OR2B2: variants seen among roughly 807,000 people sequenced by gnomAD.
The protein encoded by OR2B2 is olfactory receptor family 2 subfamily B member 2.
For synonymous variants in OR2B2, 137 were observed against 150.9 expected, an observed-to-expected ratio of 0.91 and a Z score of 0.67; for missense variants, 362 against 422.4, an observed-to-expected ratio of 0.86 and a Z score of 1.25.
At position 27,911,412 on chromosome 6, in the gene OR2B2, C is replaced by T. The variant is rs202202321; in HGVS notation, c.908G>A (p.Arg303Lys). ...RNKEVKEAFK[R>K]LVAKSLLNQE... ...ATTAAGAAGACTCTTTGCAACCAAC[C>T]TTTTAAAGGCTTCCTTTACCTCTTT... The change falls in exon 1 of 1, where the codon AGG becomes AAG. Residue 303 changes from arginine (R) to lysine (K), a missense_variant. Coordinates refer to ENST00000303324, the MANE Select transcript of OR2B2 (RefSeq NM_033057.2). The T allele has an allele frequency of 6.4e-5, 104 of 1,613,990 alleles. No individual in the cohort carries two copies. Among genetic ancestry groups the T allele is most frequent in the Non-Finnish European group, 8.6e-5 (101 of 1,179,974 alleles).
chr6:27,911,397 C>T lies in OR2B2; in HGVS notation c.923G>A (p.Ser308Asn). The T allele has an allele frequency of 6.2e-7, 1 of 1,614,066 alleles. No homozygotes were observed. Among genetic ancestry groups the T allele is most frequent in the Non-Finnish European group, 8.5e-7 (1 of 1,179,970 alleles). The change falls in exon 1 of 1, where the codon AGT becomes AAT. Residue 308 changes from serine (S) to asparagine (N), a missense_variant. By Grantham distance (46) the Ser-to-Asn change is conservative. Transcript: ENST00000303324. ...ATTTCTTATTTCTTGATTAAGAAGACTCTTTGCAACCAACCTTTTAAAGGC... is the reference window on the plus strand; with the variant it reads ...ATTTCTTATTTCTTGATTAAGAAGATTCTTTGCAACCAACCTTTTAAAGGC... ...KEAFKRLVAK[S>N]LLNQEIRNMQ...
At position 27,911,553 on chromosome 6, in the gene OR2B2, A is replaced by T. The variant is rs774982377; in HGVS notation, c.767T>A (p.Ile256Asn). ...TGAAGGTGGTTGCAGGTACATGGAG[A>T]TAGCTGTACCATAAAAAAGTGACAC... ...IVVSLFYGTA[I>N]SMYLQPPSPS... Residue 256 changes from isoleucine to asparagine, a missense_variant, in exon 1 of 1, where the codon ATC becomes AAC. Transcript: ENST00000303324. 1 of 1,613,898 alleles carries T rather than the reference A, an allele frequency of 6.2e-7. No individual in the cohort carries two copies. Among genetic ancestry groups the T allele is most frequent in the Non-Finnish European group, 8.5e-7 (1 of 1,179,956 alleles).
In OR2B2 at chr6:27,911,453, T is replaced by C. The variant is rs144751509; in HGVS notation, c.867A>G (p.Ile289Met). The change falls in exon 1 of 1, where the codon ATA (isoleucine) becomes ATG (methionine). Residue 289 changes from isoleucine to methionine, a missense_variant. Transcript: ENST00000303324. Reference protein sequence around the residue: ...GIIAPMLNPLIYTLRNKEVKE... With the variant: ...GIIAPMLNPLMYTLRNKEVKE... ...TTACCTCTTTGTTCCTAAGTGTATA[T>C]ATAAGGGGATTCAGCATGGGTGCAA... 1.5e-5 allele frequency: 24 copies of C among 1,614,162 alleles called. No individual in the cohort carries two copies. In the African/African-American group the frequency reaches 2.4e-4, roughly 16 times the overall value.
In OR2B2 at chr6:27,911,278, A is replaced by G. The variant is rs775993954; in HGVS notation, c.1042T>C (p.Tyr348His). ...AATTTTCTTTGAGGGAGATTACAAT[A>G]GTTTTCTATAGTAATGACAAAAATA... ...CPIFVITIENYCNLPQRKFP is the reference protein window; with the variant it reads ...CPIFVITIENHCNLPQRKFP The change falls in exon 1 of 1, where the codon TAT (tyrosine) becomes CAT (histidine). Residue 348 changes from tyrosine (Y) to histidine (H), a missense_variant. Coordinates refer to ENST00000303324, the MANE Select transcript of OR2B2 (RefSeq NM_033057.2). The G allele has an allele frequency of 4.4e-6, 7 of 1,581,362 alleles. No homozygotes were observed. The highest frequency in any genetic ancestry group is 6.0e-6 in the Non-Finnish European group (7 of 1,168,128).
Position 27,911,847 on chromosome 6 carries a change from A to G in OR2B2, c.473T>C (p.Leu158Ser), listed in dbSNP as rs779152751. 6.2e-7 allele frequency: 1 copy of G among 1,614,106 alleles called. No individual in the cohort carries two copies. The highest frequency in any genetic ancestry group is 1.1e-5 in the South Asian group (1 of 91,090). Residue 158 changes from leucine to serine, a missense_variant, in exon 1 of 1, where the codon TTA becomes TCA. Physicochemically the swap from Leu to Ser is moderately radical, Grantham distance 145 (BLOSUM62 -2). Transcript: ENST00000303324. ...CATCTTAAGTGTCCAGGTGGACTGT[A>G]ATACTGAATTGCTAAAGCCACTAAT... is the stretch of plus-strand genomic sequence containing the variant. ...SWISGFSNSVLQSTWTLKMPL... is the reference protein window; with the variant it reads ...SWISGFSNSVSQSTWTLKMPL...
At position 27,912,059 on chromosome 6, in the gene OR2B2, G is replaced by A. The variant is rs1275186049; in HGVS notation, c.261C>T (p.Asn87=). 1 of 1,614,184 alleles carries A rather than the reference G, an allele frequency of 6.2e-7. No homozygotes were observed. The highest frequency in any genetic ancestry group is 1.1e-5 in the South Asian group (1 of 91,086). ...TVPQMLVNIC[N]TRKVISYGGC... is the part of the protein sequence containing the mutation. ...CACCATAACTGATTACTTTCCTGGTGTTGCATATGTTTACCAGCATTTGTG... is the reference window on the plus strand; with the variant it reads ...CACCATAACTGATTACTTTCCTGGTATTGCATATGTTTACCAGCATTTGTG... Residue 87 remains asparagine (N), a synonymous_variant, in exon 1 of 1, where the codon AAC becomes AAT. Transcript: ENST00000303324.
At position 27,912,044 on chromosome 6, in the gene OR2B2, G is replaced by A; in HGVS notation, c.276C>T (p.Ile92=). The part of the protein sequence containing the change: ...LVNICNTRKV[I]SYGGCVAQLF... ...GCTGGGCCACACAGCCACCATAACT[G>A]ATTACTTTCCTGGTGTTGCATATGT... The change falls in exon 1 of 1, where the codon ATC becomes ATT. Residue 92 remains isoleucine, a synonymous_variant. Transcript: ENST00000303324. 3 of 1,614,186 alleles carry A rather than the reference G, an allele frequency of 1.9e-6. No individual in the cohort carries two copies. The highest frequency in any genetic ancestry group is 2.5e-6 in the Non-Finnish European group (3 of 1,180,036).
At position 27,911,404 on chromosome 6, in the gene OR2B2, C is replaced by A. The variant is rs372273786; in HGVS notation, c.916G>T (p.Ala306Ser). ...EVKEAFKRLV[A>S]KSLLNQEIRN... ...ATTTCTTGATTAAGAAGACTCTTTG[C>A]AACCAACCTTTTAAAGGCTTCCTTT... Residue 306 changes from alanine (A) to serine (S), a missense_variant, in exon 1 of 1, where the codon GCA becomes TCA. Ala to Ser is a moderately conservative substitution (Grantham distance 99). Transcript: ENST00000303324. 6.9e-5 allele frequency: 112 copies of A among 1,613,956 alleles called. No individual in the cohort carries two copies. The highest frequency in any genetic ancestry group is 9.0e-5 in the Non-Finnish European group (106 of 1,180,008).
In OR2B2 at chr6:27,911,557, C is replaced by T; in HGVS notation, c.763G>A (p.Ala255Thr). The T allele has an allele frequency of 1.2e-6, 2 of 1,613,960 alleles. No homozygotes were observed. The highest frequency in any genetic ancestry group is 1.7e-6 in the Non-Finnish European group (2 of 1,179,966). ...GGTGGTTGCAGGTACATGGAGATAG[C>T]TGTACCATAAAAAAGTGACACCACA... is the stretch of plus-strand genomic sequence containing the variant. ...LIVVSLFYGT[A>T]ISMYLQPPSP... Residue 255 changes from alanine to threonine, a missense_variant, in exon 1 of 1, where the codon GCT becomes ACT. Physicochemically the swap from Ala to Thr is moderately conservative, Grantham distance 58. Transcript: ENST00000303324.
At position 27,911,657 on chromosome 6, in the gene OR2B2, A is replaced by T. The variant is rs755140498; in HGVS notation, c.663T>A (p.Ile221=). 1.9e-6 allele frequency: 3 copies of T among 1,613,772 alleles called. No homozygotes were observed. The highest frequency in any genetic ancestry group is 2.5e-6 in the Non-Finnish European group (3 of 1,179,926). ...ACTGGATTCTCAACACTGCTTGGACAATAAAAGCATACGATATAAGGATGA... is the reference window on the plus strand; with the variant it reads ...ACTGGATTCTCAACACTGCTTGGACTATAAAAGCATACGATATAAGGATGA... ...VTLILISYAF[I]VQAVLRIQSA... The change falls in exon 1 of 1, where the codon ATT becomes ATA. Residue 221 remains isoleucine, a synonymous_variant. Coordinates refer to ENST00000303324, the MANE Select transcript of OR2B2 (RefSeq NM_033057.2).
rs189300279 is a variant in OR2B2 at position 27,912,154 on chromosome 6, G to A, written c.166C>T (p.His56Tyr). ...CTAAGAAAAAAGTACATAGGGGTGT[G>A]GAGTTTGAAATCCACATGTGACACA... ...ILVSHVDFKL[H>Y]TPMYFFLSNL... The change falls in exon 1 of 1, where the codon CAC becomes TAC. Residue 56 changes from histidine (H) to tyrosine (Y), a missense_variant. Transcript: ENST00000303324. 7.7e-4 allele frequency: 1,249 copies of A among 1,614,170 alleles called. 20 individuals carry two copies. The Admixed American group carries it at 0.02, about 26-fold the overall frequency.
In OR2B2 at chr6:27,912,311, C is replaced by T; in HGVS notation, c.9G>A (p.Trp3Ter). 6.3e-7 allele frequency: 1 copy of T among 1,582,634 alleles called. No individual in the cohort carries two copies. The highest frequency in any genetic ancestry group is 1.4e-5 in the African/African-American group (1 of 73,850). Residue 3 changes from tryptophan to a stop codon, truncating the protein, a stop_gained, in exon 1 of 1, where the codon TGG becomes TGA. Transcript: ENST00000303324. LOFTEE classifies it low-confidence loss of function (END_TRUNC). The stretch of plus-strand genomic sequence containing the variant: ...ACTCCTGTGGGACACTCTTATTTAC[C>T]CAATTCATGTTAAATGGTTCAACTC... MN[W>*]VNKSVPQEFI... is the part of the protein sequence containing the mutation.
At position 27,911,234 on chromosome 6, in the gene OR2B2, T is replaced by C; in HGVS notation, c.*12A>G. The C allele has an allele frequency of 1.4e-6, 2 of 1,479,258 alleles. No homozygotes were observed. The highest frequency in any genetic ancestry group is 1.8e-6 in the Non-Finnish European group (2 of 1,091,788). 91.6% of individuals were successfully genotyped at this position (1,479,258 alleles called of 1,614,324 possible). A position where few individuals can be genotyped will look rare whatever the true frequency, so the allele number is the denominator to read the frequency against. ...AAAATGTTTAGGCAACAGAAACAAA[T>C]ATAGCTTTTTGTCAAGGAAATTTTC... On this transcript the variant is annotated 3_prime_UTR_variant, in exon 1 of 1. Coordinates refer to ENST00000303324, the MANE Select transcript of OR2B2 (RefSeq NM_033057.2).
Position 27,911,791 on chromosome 6 carries a change from A to C in OR2B2, c.529T>G (p.Phe177Val), listed in dbSNP as rs751029963. 13 of 1,614,170 alleles carry C rather than the reference A, an allele frequency of 8.1e-6. No individual in the cohort carries two copies. In the Admixed American group the frequency reaches 2.2e-4, roughly 27 times the overall value. Reference protein sequence around the residue: ...PLCGHKEVDHFFCEVPALLKL... With the variant: ...PLCGHKEVDHVFCEVPALLKL... ...AGCAGAGCAGGGACTTCACAGAAGA[A>C]GTGATCCACTTCTTTGTGACCACAC... The change falls in exon 1 of 1, where the codon TTC becomes GTC. Residue 177 changes from phenylalanine to valine, a missense_variant. Transcript: ENST00000303324.
rs943075828 is a variant in OR2B2, at chr6:27,911,447, T to C, written c.873A>G (p.Thr291=). The C allele has an allele frequency of 4.3e-6, 7 of 1,613,926 alleles. No homozygotes were observed. The highest frequency in any genetic ancestry group is 1.6e-4 in the Middle Eastern group (1 of 6,082). The part of the protein sequence containing the change: ...IAPMLNPLIY[T]LRNKEVKEAF... ...CTTCCTTTACCTCTTTGTTCCTAAG[T>C]GTATATATAAGGGGATTCAGCATGG... The change falls in exon 1 of 1, where the codon ACA becomes ACG. Residue 291 remains threonine (T), a synonymous_variant. Transcript: ENST00000303324.
At position 27,912,367 on chromosome 6, in the gene OR2B2, G is replaced by T. The variant is rs769808112; in HGVS notation, c.-48C>A. 8.5e-7 allele frequency: 1 copy of T among 1,182,948 alleles called. No homozygotes were observed. Among genetic ancestry groups the T allele is most frequent in the Admixed American group, 2.3e-5 (1 of 42,908 alleles). The allele number at this position is 1,182,948 out of a possible 1,614,324, so 73.3% of individuals were successfully genotyped here. A position where few individuals can be genotyped will look rare whatever the true frequency, so the allele number is the denominator to read the frequency against. On this transcript the variant is annotated 5_prime_UTR_variant, in exon 1 of 1. Coordinates refer to ENST00000303324, the MANE Select transcript of OR2B2 (RefSeq NM_033057.2). ...TCTCTGAAATATAAGAAGTCAGGAA[G>T]TTAACAACACACTTCCTGATTTTGT...
At position 27,912,326 on chromosome 6, in the gene OR2B2, T is replaced by C; in HGVS notation, c.-7A>G. ...TCTTATTTACCCAATTCATGTTAAATGGTTCAACTCTTCGTTCTCTGAAAT... is the reference window on the plus strand; with the variant it reads ...TCTTATTTACCCAATTCATGTTAAACGGTTCAACTCTTCGTTCTCTGAAAT... On this transcript the variant is annotated 5_prime_UTR_variant, in exon 1 of 1. Coordinates refer to ENST00000303324, the MANE Select transcript of OR2B2 (RefSeq NM_033057.2). 6.5e-7 allele frequency: 1 copy of C among 1,528,608 alleles called. No individual in the cohort carries two copies. The highest frequency in any genetic ancestry group is 8.9e-7 in the Non-Finnish European group (1 of 1,122,840). 94.7% of individuals were successfully genotyped at this position (1,528,608 alleles called of 1,614,324 possible). A position where few individuals can be genotyped will look rare whatever the true frequency, so the allele number is the denominator to read the frequency against.
chr6:27,911,694 A>G lies in OR2B2; in HGVS notation c.626T>C (p.Ile209Thr). Reference sequence around the variant, plus strand: ...CGATATAAGGATGAGTGTCACGGGTATTAGAAGGAATAGCACACTGATGAA... The same window carrying G: ...CGATATAAGGATGAGTGTCACGGGTGTTAGAAGGAATAGCACACTGATGAA... ...LFFISVLFLL[I>T]PVTLILISYA... The change falls in exon 1 of 1, where the codon ATA (isoleucine) becomes ACA (threonine). Residue 209 changes from isoleucine (I) to threonine (T), a missense_variant. Physicochemically the swap from Ile to Thr is moderately conservative, Grantham distance 89 (BLOSUM62 -1). Transcript: ENST00000303324. The G allele has an allele frequency of 6.2e-7, 1 of 1,613,898 alleles. No homozygotes were observed. Among genetic ancestry groups the G allele is most frequent in the Non-Finnish European group, 8.5e-7 (1 of 1,179,870 alleles).
In OR2B2 at chr6:27,911,843, C is replaced by T. The variant is rs1762202487; in HGVS notation, c.477G>A (p.Gln159=). The change falls in exon 1 of 1, where the codon CAG becomes CAA. Residue 159 remains glutamine, a synonymous_variant. Coordinates refer to ENST00000303324, the MANE Select transcript of OR2B2 (RefSeq NM_033057.2). Reference sequence around the variant, plus strand: ...GTGGCATCTTAAGTGTCCAGGTGGACTGTAATACTGAATTGCTAAAGCCAC... The same window carrying T: ...GTGGCATCTTAAGTGTCCAGGTGGATTGTAATACTGAATTGCTAAAGCCAC... ...WISGFSNSVL[Q]STWTLKMPLC... 1.2e-6 allele frequency: 2 copies of T among 1,614,178 alleles called. No homozygotes were observed. The highest frequency in any genetic ancestry group is 1.3e-5 in the African/African-American group (1 of 75,048).
Sources: allele counts gnomAD v4.1 joint callset, GRCh38; gene constraint gnomAD v4.1.1; transcripts MANE v1.5; gene names NCBI Gene and HGNC (gene_info 2026-07-23, HGNC 2026-07-21).